The following RFC4 variants were observed in gnomAD, a reference collection of about 807,000 sequenced individuals.
The protein encoded by RFC4 is replication factor C subunit 4, also known as A1 37 kDa subunit.
A neutral mutation model predicts 47.6 loss-of-function variants in RFC4; 38 were observed. That is an observed-to-expected ratio of 0.80 (90% CI 0.62 to 1.05). The LOEUF (loss-of-function observed/expected upper bound fraction) is 1.05. Ranked by LOEUF, RFC4 falls within the 50% of genes least tolerant of loss-of-function variation. RFC4 has a pLI of 0.00. For missense variants in RFC4, 489 were observed against 434.0 expected (o/e 1.13, Z -1.13); for synonymous variants, 164 against 150.0 (o/e 1.09, Z -0.68).
At position 186,790,343 on chromosome 3, in the gene RFC4, GT is replaced by G. The variant is rs765246734; in HGVS notation, c.864del (p.Lys288AsnfsTer2). On this transcript the variant is annotated frameshift_variant, in exon 9 of 11. Coordinates refer to ENST00000296273, the MANE Select transcript of RFC4 (RefSeq NM_002916.5). LOFTEE classifies it high-confidence loss of function. ...FAACQSGSFD[K>X]LEAVVKDLID... ...GACTTTACCTTGACCACAGCTTCTA[GT>G]TTGTCAAAAGAGCCACTCTGACAGG... The G allele has an allele frequency of 6.2e-7, 1 of 1,613,642 alleles. No homozygotes were observed. The highest frequency in any genetic ancestry group is 8.5e-7 in the Non-Finnish European group (1 of 1,179,640).
rs1479074910 is a variant in RFC4, at chr3:186,790,063, T to A, written c.998A>T (p.Glu333Val). 4 of 1,613,126 alleles carry A rather than the reference T, an allele frequency of 2.5e-6. No homozygotes were observed. The highest frequency in any genetic ancestry group is 3.4e-6 in the Non-Finnish European group (4 of 1,179,154). ...QKSIITEKLA[E>V]VDKCLADGAD... is the part of the protein sequence containing the mutation. ...ACCATCTGCTAGGCATTTGTCAACT[T>A]CCTACGAGAAAAATTTAAGAAATTA... The change falls in exon 11 of 11, where the codon GAA becomes GTA. Residue 333 changes from glutamate (E) to valine (V), a missense_variant and splice_region_variant. Coordinates refer to ENST00000296273, the MANE Select transcript of RFC4 (RefSeq NM_002916.5).
chr3:186,790,449 G>A (rs1722076845), intron 8 of RFC4, 43 bp from the exon 9 acceptor site: 3 of 1,363,082 alleles, frequency 2.2e-6, no homozygotes, highest in Non-Finnish European at 3.1e-6. Context: ...TTCTAGGTGA[G>A]ACTAGACATA....
chr3:186,794,927 A>C lies in RFC4; in HGVS notation c.291-150T>G, dbSNP rs1025695378. On this transcript the variant is annotated intron_variant, in intron 4 of 10. Transcript: ENST00000296273. ...ATCACTTTTGCATTCTCGCTTCAGCAGAGTGCTGCAGTTAACATTTTGGCT... is the reference window on the plus strand; with the variant it reads ...ATCACTTTTGCATTCTCGCTTCAGCCGAGTGCTGCAGTTAACATTTTGGCT... 7 of 761,162 alleles carry C rather than the reference A, an allele frequency of 9.2e-6. No homozygotes were observed. In the African/African-American group the frequency reaches 1.1e-4, roughly 12 times the overall value. 47.2% of individuals were successfully genotyped at this position (761,162 alleles called of 1,614,324 possible).
chr3:186,800,238 T>A (rs141549579), intron 3 of RFC4, among the ~76,000 whole-genome samples: 360 of 152,316 alleles, frequency 2.4e-3, no homozygotes, highest in African/African-American at 8.0e-3. Flanking sequence ...ATTACAGGCG[T>A]GAGCCACTGT....
chr3:186,800,079 C>T (rs1722321802), intron 3 of RFC4, among the ~76,000 whole-genome samples: 1 of 152,094 alleles, frequency 6.6e-6, no homozygotes, highest in African/African-American at 2.4e-5. Flanking sequence ...CTTTAGCCTC[C>T]TGAGTAGCTG....
chr3:186,801,233 T>C (rs765251058), intron 2 of RFC4, 38 bp from the exon 3 acceptor site: 3 of 1,469,952 alleles, frequency 2.0e-6, no homozygotes, highest in Non-Finnish European at 1.9e-6. Flanking sequence ...TTATTTAGTA[T>C]ATTATAGTAG....
rs1722276754 is a variant in RFC4 at position 186,798,020 on chromosome 3, G to C, written c.211-406C>G. 2.0e-5 allele frequency among the ~76,000 whole-genome samples: 3 copies of C among 152,266 alleles called. No individual in the cohort carries two copies. The South Asian group carries it at 6.2e-4, about 32-fold the overall frequency. On this transcript the variant is annotated intron_variant, in intron 3 of 10. Transcript: ENST00000296273. The stretch of plus-strand genomic sequence containing the variant: ...TGTCAGCTGCTTCAAAGGGGAAGCA[G>C]ACCAAAAGAGTAATGGGATTTGGCC...
intron 4 of RFC4, among the ~76,000 whole-genome samples, chr3:186,795,241 T>C (rs1433077909): frequency 1.3e-5 from 2 of 152,204 alleles, no homozygotes; most frequent in Admixed American, 6.5e-5. Context: ...TCCTTCCACC[T>C]TGGCCTCCCA....
rs1378698244 is a variant in RFC4, at chr3:186,796,907, A to T, written c.290+628T>A. On this transcript the variant is annotated intron_variant, in intron 4 of 10. Coordinates refer to ENST00000296273, the MANE Select transcript of RFC4 (RefSeq NM_002916.5). The surrounding 1 kb of genome is among the most constrained non-coding windows in gnomAD (Gnocchi z 4.2). Reference sequence around the variant, plus strand: ...GTATATCAGACCCAGCCCACTACACATCTTTTAACTCTAGGTAAAGGGCTC... The same window carrying T: ...GTATATCAGACCCAGCCCACTACACTTCTTTTAACTCTAGGTAAAGGGCTC... Among the ~76,000 whole-genome samples the T allele has an allele frequency of 1.3e-5, 2 of 152,214 alleles. No individual in the cohort carries two copies. Among genetic ancestry groups the T allele is most frequent in the East Asian group, 3.8e-4 (2 of 5,202 alleles).
At chr3:186,795,718 G>A (rs1006262568) in intron 4 of RFC4, among the ~76,000 whole-genome samples, 1 of 151,996 alleles carries the variant, frequency 6.6e-6, no homozygotes, top group African/African-American at 2.4e-5. Flanking sequence ...GCTTGAACCC[G>A]GGATGTGGAG....
intron 8 of RFC4, among the ~76,000 whole-genome samples, 200 bp from the exon 9 acceptor site, chr3:186,790,606 T>A (rs980545730): frequency 2.6e-5 from 4 of 152,240 alleles, no homozygotes; most frequent in Non-Finnish European, 5.9e-5. Flanking sequence ...ACTGTGCTTT[T>A]AAAGCCCTTT....
At position 186,789,958 on chromosome 3, in the gene RFC4, A is replaced by C; in HGVS notation, c.*11T>G. ...ATTATTTACAAAACCCCCCATCCAGATATATTCACGTTAACAATTCTGAGA... is the reference window on the plus strand; with the variant it reads ...ATTATTTACAAAACCCCCCATCCAGCTATATTCACGTTAACAATTCTGAGA... On this transcript the variant is annotated 3_prime_UTR_variant, in exon 11 of 11. Coordinates refer to ENST00000296273, the MANE Select transcript of RFC4 (RefSeq NM_002916.5). 1 of 1,530,214 alleles carries C rather than the reference A, an allele frequency of 6.5e-7. No homozygotes were observed. The highest frequency in any genetic ancestry group is 9.0e-7 in the Non-Finnish European group (1 of 1,105,384). The allele number at this position is 1,530,214 out of a possible 1,614,324, so 94.8% of individuals were successfully genotyped here.
At chr3:186,805,216 C>T (rs1722451231) in intron 1 of RFC4, among the ~76,000 whole-genome samples, 1 of 151,928 alleles carries the variant, frequency 6.6e-6, no homozygotes, top group Admixed American at 6.6e-5. Context: ...ACTCAAAGAC[C>T]TTTTTTTGTT....
At chr3:186,804,863 A>T (rs1722443457) in intron 1 of RFC4, 139 bp from the exon 2 acceptor site, 11 of 732,236 alleles carry the variant, frequency 1.5e-5, no homozygotes, top group Admixed American at 2.7e-5. Context: ...TTGTGCAAAG[A>T]TGTTACATAA....
intron 1 of RFC4, among the ~76,000 whole-genome samples, chr3:186,805,913 C>A (rs1277274181): frequency 6.6e-6 from 1 of 152,176 alleles, no homozygotes; most frequent in Admixed American, 6.5e-5. Flanking sequence ...TACCCGGTTT[C>A]CTTTTCTGTT....
At chr3:186,800,526 C>T (rs1156685909) in intron 3 of RFC4, among the ~76,000 whole-genome samples, 1 of 152,170 alleles carries the variant, frequency 6.6e-6, no homozygotes, top group African/African-American at 2.4e-5. Flanking sequence ...TTCATCATAA[C>T]ACAACTTTAA....
At chr3:186,801,951 A>G (rs1387775135) in intron 2 of RFC4, among the ~76,000 whole-genome samples, 1 of 143,312 alleles carries the variant, frequency 7.0e-6, no homozygotes, top group Non-Finnish European at 1.5e-5. Flanking sequence ...TGAACCCTGG[A>G]GGCAGAGGTT....
chr3:186,801,262 T>C (rs1722345995), intron 2 of RFC4, 67 bp from the exon 3 acceptor site: 3 of 1,150,190 alleles, frequency 2.6e-6, no homozygotes, highest in Non-Finnish European at 2.6e-6. Context: ...AACTCTCAAG[T>C]GTTCCTTCTA....
At chr3:186,802,414 T>C (rs1722377868) in intron 2 of RFC4, among the ~76,000 whole-genome samples, 1 of 152,244 alleles carries the variant, frequency 6.6e-6, no homozygotes, top group African/African-American at 2.4e-5. Context: ...GTAACCTTAG[T>C]ATAGGTAACT....
Sources: allele counts gnomAD v4.1 joint callset (sites outside exome capture counted in the v4.1 genomes callset), GRCh38; gene constraint gnomAD v4.1.1; non-coding constraint Gnocchi (gnomAD v3.1); transcripts MANE v1.5; gene names NCBI Gene and HGNC (gene_info 2026-07-23, HGNC 2026-07-21).